The following ATE1 variants were observed in gnomAD, a reference collection of about 807,000 sequenced individuals.
The protein encoded by ATE1 is arginyl-tRNA--protein transferase 1.
A neutral mutation model predicts 70.5 loss-of-function variants in ATE1; 36 were observed. The observed-to-expected ratio is 0.51, with a 90% CI of 0.39 to 0.67. ATE1 has a LOEUF of 0.67. Ranked by LOEUF, ATE1 falls within the 30% of genes least tolerant of loss-of-function variation. ATE1 has a pLI of 0.00. For missense variants in ATE1, 593 were observed against 629.5 expected (o/e 0.94, Z 0.62); for synonymous variants, 232 against 219.3 (o/e 1.06, Z -0.51).
chr10:121,928,457 C>A (rs1379243167), upstream of ATE1: 3 of 1,509,958 alleles, frequency 2.0e-6, no homozygotes, highest in African/African-American at 2.9e-5. Context: ...CCGCTCGGGC[C>A]GACCACGCCT....
chr10:121,770,953 G>A (rs747083493), intron 11 of ATE1, among the ~76,000 whole-genome samples: 43 of 152,020 alleles, frequency 2.8e-4, no homozygotes, highest in Non-Finnish European at 5.3e-4. Context: ...ATGAGCGAAC[G>A]AAACCAAGGC....
At chr10:121,890,938 T>G (rs1950558209) in intron 7 of ATE1, among the ~76,000 whole-genome samples, 1 of 152,118 alleles carries the variant, frequency 6.6e-6, no homozygotes, top group Non-Finnish European at 1.5e-5. Context: ...ATTTACAAAG[T>G]CCTATATTAT....
intron 7 of ATE1, among the ~76,000 whole-genome samples, chr10:121,874,729 G>A (rs1949976346): frequency 6.6e-6 from 1 of 152,140 alleles, no homozygotes; most frequent in African/African-American, 2.4e-5. Context: ...AACAAGGCCG[G>A]GTGCAGTGGT....
At chr10:121,800,349 G>A (rs574555615) in intron 10 of ATE1, among the ~76,000 whole-genome samples, 1 of 152,134 alleles carries the variant, frequency 6.6e-6, no homozygotes, top group Non-Finnish European at 1.5e-5. Flanking sequence ...GATGGGCTTG[G>A]CCGATTGCAA....
At chr10:121,787,758 T>A (rs1293331099) in intron 11 of ATE1, among the ~76,000 whole-genome samples, 1 of 152,244 alleles carries the variant, frequency 6.6e-6, no homozygotes. Flanking sequence ...AGACTTTAAA[T>A]CTTTTTTGCC....
At chr10:121,792,175 G>A (rs1413602430) in intron 10 of ATE1, among the ~76,000 whole-genome samples, 1 of 152,112 alleles carries the variant, frequency 6.6e-6, no homozygotes, top group East Asian at 1.9e-4. Context: ...AAAGAAATGA[G>A]AACAATCTAG....
intron 9 of ATE1, among the ~76,000 whole-genome samples, chr10:121,839,582 T>A (rs1247776893): frequency 2.0e-5 from 3 of 152,204 alleles, no homozygotes; most frequent in Non-Finnish European, 4.4e-5. Flanking sequence ...TACTTTAAAT[T>A]ATCAATTTCA....
At chr10:121,835,880 C>G (rs1210628246) in intron 10 of ATE1, among the ~76,000 whole-genome samples, 1 of 152,012 alleles carries the variant, frequency 6.6e-6, no homozygotes, top group Non-Finnish European at 1.5e-5. Flanking sequence ...ACACTTTTTT[C>G]TTTAATGTGG....
intron 3 of ATE1, among the ~76,000 whole-genome samples, chr10:121,915,909 A>C (rs892020939): frequency 1.4e-5 from 2 of 147,530 alleles, no homozygotes; most frequent in African/African-American, 5.0e-5. Flanking sequence ...AACAAAACAA[A>C]ACAAAACAAA....
chr10:121,917,644 GA>G (rs1049054348), intron 3 of ATE1, among the ~76,000 whole-genome samples: 6 of 150,838 alleles, frequency 4.0e-5, no homozygotes, highest in East Asian at 2.0e-4. Context: ...AACAGAAAAA[GA>G]AAAAAAATGC....
In ATE1 at chr10:121,818,312, T is replaced by C. The variant is rs142862045; in HGVS notation, c.1257+18406A>G. ...TTAATTGCTAAATTTAATTACTGAG[T>C]TATTAGCTATTCAATTATCACACCA... is the stretch of plus-strand genomic sequence containing the variant. On this transcript the variant is annotated intron_variant, in intron 10 of 11. Coordinates refer to ENST00000224652, the MANE Select transcript of ATE1 (RefSeq NM_001001976.3). 4.2e-3 allele frequency among the ~76,000 whole-genome samples: 624 copies of C among 149,396 alleles called. 6 individuals carry two copies. Among genetic ancestry groups the C allele is most frequent in the African/African-American group, 0.015 (590 of 40,582 alleles).
upstream of ATE1, chr10:121,928,197 G>C: frequency 7.6e-7 from 1 of 1,321,678 alleles, no homozygotes; most frequent in Non-Finnish European, 9.7e-7. Flanking sequence ...GTGAGGGTGA[G>C]GCGGAGAGAC....
chr10:121,895,267 G>A (rs1373480525), intron 7 of ATE1, among the ~76,000 whole-genome samples: 2 of 152,266 alleles, frequency 1.3e-5, no homozygotes, highest in Middle Eastern at 3.4e-3. Flanking sequence ...ACATAAAAAC[G>A]TGAACGTGAA....
chr10:121,774,420 G>C (rs1017970731), intron 11 of ATE1, among the ~76,000 whole-genome samples: 43 of 152,054 alleles, frequency 2.8e-4, no homozygotes, highest in African/African-American at 1.0e-3. Context: ...CATTAACCTA[G>C]AAAAAAATTT....
intron 5 of ATE1, among the ~76,000 whole-genome samples, chr10:121,906,301 G>C (rs1951187866): frequency 6.6e-6 from 1 of 152,112 alleles, no homozygotes; most frequent in South Asian, 2.1e-4. Flanking sequence ...GCTGAGGCAG[G>C]CAGATCACTT....
chr10:121,912,665 A>C (rs1951489531), intron 4 of ATE1, among the ~76,000 whole-genome samples: 1 of 151,860 alleles, frequency 6.6e-6, no homozygotes, highest in South Asian at 2.1e-4. Context: ...AAATAAAAGA[A>C]AGGCAACCAC....
intron 10 of ATE1, among the ~76,000 whole-genome samples, chr10:121,800,902 AC>A (rs568431189): frequency 8.9e-4 from 136 of 152,190 alleles, no homozygotes; most frequent in Non-Finnish European, 1.6e-3. Context: ...GAAAGACAAC[AC>A]CAGTGGAATC....
At chr10:121,913,990 C>T in intron 3 of ATE1, 97 bp from the exon 4 acceptor site, 1 of 854,392 alleles carries the variant, frequency 1.2e-6, no homozygotes, top group Non-Finnish European at 1.8e-6. Flanking sequence ...CCATCTCATG[C>T]CTGAGATTTC....
intron 10 of ATE1, among the ~76,000 whole-genome samples, chr10:121,811,451 A>C (rs1037714002): frequency 6.6e-5 from 10 of 152,248 alleles, no homozygotes; most frequent in Non-Finnish European, 5.9e-5. Context: ...TAAATAGTTC[A>C]ACAAAAAGGA....
Sources: gnomAD v4.1 joint callset for allele counts (sites outside exome capture counted in the v4.1 genomes callset) on GRCh38, gnomAD v4.1.1 for gene constraint, MANE v1.5 for transcripts, NCBI Gene and HGNC (gene_info 2026-07-23, HGNC 2026-07-21) for gene names.